The following CDH2 variants were observed in gnomAD, a reference collection of about 807,000 sequenced individuals.
The protein encoded by CDH2 is cadherin 2.
Under a neutral mutation model 92.0 loss-of-function variants are expected in CDH2, and 17 were observed. The observed-to-expected ratio is 0.18, with a 90% CI of 0.13 to 0.28. The LOEUF (loss-of-function observed/expected upper bound fraction) is 0.28. CDH2 is among the 10% of genes least tolerant of loss of function. The pLI is 1.00. For synonymous variants in CDH2, 419 were observed against 415.9 expected, an observed-to-expected ratio of 1.01 and a Z score of -0.09; for missense variants, 862 against 1,133.1, an observed-to-expected ratio of 0.76 and a Z score of 3.44.
chr18:28,133,715 A>T (rs2015813871), intron 2 of CDH2, among the ~76,000 whole-genome samples: 1 of 151,746 alleles, frequency 6.6e-6, no homozygotes, highest in Admixed American at 6.6e-5. Flanking sequence ...TTCATATGCT[A>T]GCTCTTAACA....
At chr18:28,117,301 C>A (rs2015511058) in intron 2 of CDH2, among the ~76,000 whole-genome samples, 1 of 152,020 alleles carries the variant, frequency 6.6e-6, no homozygotes, top group Non-Finnish European at 1.5e-5. Context: ...GGGAATATGG[C>A]TAAAGGAAAA....
chr18:28,102,009 G>A (rs1457471207), intron 2 of CDH2, among the ~76,000 whole-genome samples: 1 of 152,080 alleles, frequency 6.6e-6, no homozygotes, highest in Non-Finnish European at 1.5e-5. Flanking sequence ...TGTGCTGGTT[G>A]AGAAGTTAAA....
intron 13 of CDH2, among the ~76,000 whole-genome samples, chr18:27,984,575 T>C (rs886517847): frequency 6.6e-6 from 1 of 152,192 alleles, no homozygotes; most frequent in Non-Finnish European, 1.5e-5. Flanking sequence ...CTGGAGCACG[T>C]TGCTGACTGT....
At chr18:28,083,152 A>G (rs766049648) in intron 2 of CDH2, among the ~76,000 whole-genome samples, 17 of 152,296 alleles carry the variant, frequency 1.1e-4, no homozygotes, top group Admixed American at 5.9e-4. Flanking sequence ...CACAGATAGT[A>G]TAATTAAATA....
intron 2 of CDH2, among the ~76,000 whole-genome samples, chr18:28,105,519 A>G (rs1400725221): frequency 6.6e-6 from 1 of 152,148 alleles, no homozygotes; most frequent in Non-Finnish European, 1.5e-5. Context: ...TAAGCTTTTC[A>G]TGAGAAAAAA....
intron 13 of CDH2, among the ~76,000 whole-genome samples, chr18:27,984,795 G>C (rs1211588733): frequency 6.6e-6 from 1 of 152,210 alleles, no homozygotes; most frequent in Non-Finnish European, 1.5e-5. Flanking sequence ...GAGGCAGCTT[G>C]TTGCAAACAT....
intron 2 of CDH2, among the ~76,000 whole-genome samples, chr18:28,126,873 A>T (rs1406560147): frequency 6.6e-6 from 1 of 152,192 alleles, no homozygotes; most frequent in Non-Finnish European, 1.5e-5. Flanking sequence ...ACAGACCAGA[A>T]CATGAAAAGA....
chr18:28,175,330 G>A (rs979570565), intron 1 of CDH2, among the ~76,000 whole-genome samples: 2 of 152,204 alleles, frequency 1.3e-5, no homozygotes, highest in Non-Finnish European at 2.9e-5. Context: ...ATGGCGAGTG[G>A]GGGAAGGGAG....
At chr18:28,002,762 A>C (rs2012804781) in intron 7 of CDH2, among the ~76,000 whole-genome samples, 2 of 152,214 alleles carry the variant, frequency 1.3e-5, no homozygotes, top group Admixed American at 6.5e-5. Context: ...AATATTGCTT[A>C]GTCAGTGTCA....
intron 2 of CDH2, among the ~76,000 whole-genome samples, chr18:28,138,708 C>A (rs1184896686): frequency 6.6e-6 from 1 of 151,974 alleles, no homozygotes; most frequent in Non-Finnish European, 1.5e-5. Context: ...GAAAGGCCTG[C>A]CACATGATCA....
chr18:27,943,128 A>G (rs563095848), intron 6 of CDH2, among the ~76,000 whole-genome samples: 1 of 152,320 alleles, frequency 6.6e-6, no homozygotes, highest in Admixed American at 6.5e-5. Context: ...GTATATAAAT[A>G]TTTGACTATC....
At chr18:27,991,559 T>A (rs954334443) in intron 9 of CDH2, among the ~76,000 whole-genome samples, 1 of 152,212 alleles carries the variant, frequency 6.6e-6, no homozygotes, top group Non-Finnish European at 1.5e-5. Flanking sequence ...CTTTAATGTG[T>A]ATGAAGCTCA....
intron 5 of CDH2, among the ~76,000 whole-genome samples, chr18:28,007,575 C>CT (rs954588690): frequency 1.3e-5 from 2 of 151,934 alleles, no homozygotes; most frequent in South Asian, 4.2e-4. Context: ...AGAGATAATT[C>CT]TTTTTTTTCC....
chr18:28,162,472 C>T (rs1364792207), intron 1 of CDH2, among the ~76,000 whole-genome samples: 3 of 152,140 alleles, frequency 2.0e-5, no homozygotes, highest in Non-Finnish European at 2.9e-5. Flanking sequence ...CTTGCATCTC[C>T]GAGTCACCAC....
intron 2 of CDH2, among the ~76,000 whole-genome samples, chr18:28,098,718 A>G (rs958523007): frequency 6.6e-6 from 1 of 152,138 alleles, no homozygotes; most frequent in Non-Finnish European, 1.5e-5. Flanking sequence ...CATGATATTA[A>G]GTAGGCTGCA....
intron 1 of CDH2, among the ~76,000 whole-genome samples, chr18:28,167,136 TA>T (rs1306508686): frequency 3.3e-5 from 5 of 152,192 alleles, no homozygotes; most frequent in East Asian, 3.9e-4. Context: ...TGTTAACACC[TA>T]AATCTTCTGA....
At chr18:28,045,584 G>T (rs1302596225) in intron 2 of CDH2, 5 of 342,134 alleles carry the variant, frequency 1.5e-5, no homozygotes, top group Non-Finnish European at 2.9e-5. Flanking sequence ...TATCTGAGTG[G>T]AACACTCTTA....
chr18:28,095,573 T>C (rs1289059902), intron 2 of CDH2, among the ~76,000 whole-genome samples: 2 of 151,950 alleles, frequency 1.3e-5, no homozygotes, highest in Admixed American at 6.6e-5. Flanking sequence ...ATCCCAGCAC[T>C]TTGGGAGGCC....
intron 11 of CDH2, among the ~76,000 whole-genome samples, chr18:27,986,306 C>A (rs984213199): frequency 6.6e-6 from 1 of 152,250 alleles, no homozygotes; most frequent in African/African-American, 2.4e-5. Flanking sequence ...TACTAACCAA[C>A]CAACTACCTG....
Sources: allele counts gnomAD v4.1 joint callset (sites outside exome capture counted in the v4.1 genomes callset), GRCh38; gene constraint gnomAD v4.1.1; transcripts MANE v1.5; gene names NCBI Gene and HGNC (gene_info 2026-07-23, HGNC 2026-07-21).